Variants in RNF2 observed in about 807,000 individuals in gnomAD.
RNF2 encodes the protein ring finger protein 2.
In RNF2, 6 loss-of-function variants were observed where a neutral mutation model predicts 37.2. The ratio of observed to expected loss-of-function variants is 0.16; its 90% confidence interval spans 0.09 to 0.32. The LOEUF (loss-of-function observed/expected upper bound fraction) is 0.32, where lower values mean the gene tolerates loss of function less well. RNF2 is among the 10% of genes least tolerant of loss of function. The pLI, the probability that RNF2 is intolerant of heterozygous loss-of-function variation, is 1.00. For synonymous variants in RNF2, 133 were observed against 132.7 expected, an observed-to-expected ratio of 1.00 and a Z score of -0.02; for missense variants, 251 against 404.0, an observed-to-expected ratio of 0.62 and a Z score of 3.25.
chr1:185,072,999 T>G (rs1487753607), intron 1 of RNF2, among the ~76,000 whole-genome samples: 1 of 151,464 alleles, frequency 6.6e-6, no homozygotes, highest in Non-Finnish European at 1.5e-5. Context: ...TTTAGGTTGT[T>G]TAGATTTCTT....
chr1:185,053,074 A>G (rs1335448782), intron 1 of RNF2, among the ~76,000 whole-genome samples: 3 of 152,214 alleles, frequency 2.0e-5, no homozygotes, highest in African/African-American at 7.2e-5. Context: ...AGGAAATGAC[A>G]TAGTCCACAT....
Position 185,098,458 on chromosome 1 carries a change from G to C in RNF2, c.737+114G>C. 6 of 1,230,562 alleles carry C rather than the reference G, an allele frequency of 4.9e-6. No individual in the cohort carries two copies. In the South Asian group the frequency reaches 8.7e-5, roughly 18 times the overall value. 76.2% of individuals were successfully genotyped at this position (1,230,562 alleles called of 1,614,324 possible). A position where few individuals can be genotyped will look rare whatever the true frequency, so the allele number is the denominator to read the frequency against. On this transcript the variant is annotated intron_variant, in intron 5 of 6. Transcript: ENST00000367510. ...TATTTGTCATCCCATTGATTGCAGG[G>C]GTTCAGTTACTAGCTGCCTAGATTG...
chr1:185,060,744 A>G (rs1280770218), intron 1 of RNF2, among the ~76,000 whole-genome samples: 1 of 152,218 alleles, frequency 6.6e-6, no homozygotes, highest in Admixed American at 6.5e-5. Context: ...AGATGAAAAA[A>G]TCTAGCCTGG....
chr1:185,066,027 A>G (rs1274670425), intron 1 of RNF2, among the ~76,000 whole-genome samples: 1 of 148,234 alleles, frequency 6.7e-6, no homozygotes, highest in African/African-American at 2.5e-5. Flanking sequence ...TTCCTTTGTC[A>G]TTTCCTATAT....
chr1:185,075,782 G>T (rs1395805608), intron 1 of RNF2, among the ~76,000 whole-genome samples: 2 of 152,148 alleles, frequency 1.3e-5, no homozygotes, highest in Admixed American at 1.3e-4. Flanking sequence ...CTCCCACCAG[G>T]CCCCTCCTCC....
At chr1:185,096,833 G>A (rs1651925701) in intron 4 of RNF2, among the ~76,000 whole-genome samples, 1 of 147,808 alleles carries the variant, frequency 6.8e-6, no homozygotes, top group South Asian at 2.1e-4. Context: ...TTATAAGCAG[G>A]ATTTTTTTTT....
chr1:185,058,323 C>T (rs1277913916), intron 1 of RNF2, among the ~76,000 whole-genome samples: 2 of 151,944 alleles, frequency 1.3e-5, no homozygotes, highest in Non-Finnish European at 2.9e-5. Flanking sequence ...CTGTGGTGTG[C>T]GGGGTATCTT....
At chr1:185,073,439 A>G (rs1211249581) in intron 1 of RNF2, among the ~76,000 whole-genome samples, 1 of 152,186 alleles carries the variant, frequency 6.6e-6, no homozygotes, top group Non-Finnish European at 1.5e-5. Context: ...TCTTTTATTC[A>G]GCCAAAGAGC....
chr1:185,069,455 C>CT (rs1188728817), intron 1 of RNF2, among the ~76,000 whole-genome samples: 3 of 125,308 alleles, frequency 2.4e-5, no homozygotes, highest in Admixed American at 1.7e-4. Flanking sequence ...GAGACCCTGT[C>CT]TAAAAAAAAA....
chr1:185,088,580 G>A (rs1230703708), intron 2 of RNF2, among the ~76,000 whole-genome samples: 1 of 151,308 alleles, frequency 6.6e-6, no homozygotes, highest in Non-Finnish European at 1.5e-5. Context: ...GCTAAAGGAA[G>A]TATTTCAAGG....
intron 1 of RNF2, among the ~76,000 whole-genome samples, chr1:185,057,968 T>C (rs1650484469): frequency 6.6e-6 from 1 of 151,968 alleles, no homozygotes; most frequent in Non-Finnish European, 1.5e-5. Context: ...CTACAAAAAA[T>C]ACAAAAATTA....
At chr1:185,085,149 T>C (rs897676619) in intron 1 of RNF2, among the ~76,000 whole-genome samples, 18 of 141,430 alleles carry the variant, frequency 1.3e-4, no homozygotes, top group African/African-American at 2.6e-4. Context: ...CTTTTTCTTT[T>C]TTTTTTTTTT....
intron 1 of RNF2, among the ~76,000 whole-genome samples, chr1:185,056,039 C>A (rs867081701): frequency 6.6e-6 from 1 of 151,944 alleles, no homozygotes; most frequent in Non-Finnish European, 1.5e-5. Context: ...ATCTAAATTT[C>A]TTTATTCTTA....
At chr1:185,095,115 A>G (rs1651875485) in intron 4 of RNF2, among the ~76,000 whole-genome samples, 1 of 152,270 alleles carries the variant, frequency 6.6e-6, no homozygotes, top group Admixed American at 6.5e-5. Flanking sequence ...TTACCAAAGT[A>G]TAATGTACTA....
chr1:185,077,464 A>G (rs1426533982), intron 1 of RNF2, among the ~76,000 whole-genome samples: 2 of 152,082 alleles, frequency 1.3e-5, no homozygotes, highest in African/African-American at 2.4e-5. Context: ...TAGATTTTTC[A>G]TGAGGTTAAG....
rs111336236 is a variant in RNF2, at chr1:185,085,258, C to A, written c.-2-2294C>A. 5.8e-3 allele frequency among the ~76,000 whole-genome samples: 860 copies of A among 147,042 alleles called. 5 individuals carry two copies. Among genetic ancestry groups the A allele is most frequent in the African/African-American group, 0.021 (811 of 39,550 alleles). ...CCGCCTCCCGGGTTCATGCTATTCT[C>A]CTGCCTCAGCCTCCCCAATAACTGG... On this transcript the variant is annotated intron_variant, in intron 1 of 6. Transcript: ENST00000367510.
intron 1 of RNF2, among the ~76,000 whole-genome samples, chr1:185,067,862 C>T (rs961544290): frequency 6.7e-6 from 1 of 149,592 alleles, no homozygotes; most frequent in African/African-American, 2.5e-5. Flanking sequence ...AGGCGCCTGC[C>T]ACCACGCCCA....
intron 2 of RNF2, 52 bp from the exon 3 acceptor site, chr1:185,091,527 G>A: frequency 1.3e-6 from 2 of 1,558,090 alleles, no homozygotes; most frequent in East Asian, 2.2e-5. Context: ...GTTTGAGCTT[G>A]TCCATAATAA....
At position 185,091,618 on chromosome 1, in the gene RNF2, C is replaced by A. The variant is rs545644574; in HGVS notation, c.127C>A (p.Arg43=). 6.2e-7 allele frequency: 1 copy of A among 1,613,998 alleles called. No individual in the cohort carries two copies. The highest frequency in any genetic ancestry group is 8.5e-7 in the Non-Finnish European group (1 of 1,180,010). Residue 43 remains arginine, a synonymous_variant, in exon 3 of 7, where the codon CGA becomes AGA. Coordinates refer to ENST00000367510, the MANE Select transcript of RNF2 (RefSeq NM_007212.4). ...TDGLEIVVSP[R]SLHSELMCPI... is the part of the protein sequence containing the mutation. ...TGGCTTAGAAATTGTGGTTTCACCT[C>A]GAAGTCTACACAGTGAATTAATGTG...
Sources: allele counts gnomAD v4.1 joint callset (sites outside exome capture counted in the v4.1 genomes callset), GRCh38; gene constraint gnomAD v4.1.1; transcripts MANE v1.5; gene names NCBI Gene and HGNC (gene_info 2026-07-23, HGNC 2026-07-21).